Variants in SFMBT1 observed in about 807,000 individuals in gnomAD.
The protein encoded by SFMBT1 is scm-like with four MBT domains protein 1.
In SFMBT1, 32 loss-of-function variants were observed where a neutral mutation model predicts 108.7. The observed-to-expected ratio is 0.29, with a 90% CI of 0.22 to 0.40. The LOEUF (loss-of-function observed/expected upper bound fraction) is 0.40, where lower values mean the gene tolerates loss of function less well. SFMBT1 is among the 10% of genes least tolerant of loss of function. The probability of loss-of-function intolerance (pLI) is 1.00; values close to 1 mark genes in which losing one functional copy is unlikely to be tolerated. For missense variants in SFMBT1, 816 were observed against 1,059.6 expected (o/e 0.77, Z 3.19); for synonymous variants, 348 against 369.5 (o/e 0.94, Z 0.67).
intron 1 of SFMBT1, among the ~76,000 whole-genome samples, chr3:52,994,347 A>G (rs1289481543): frequency 6.7e-6 from 1 of 150,360 alleles, no homozygotes; most frequent in Non-Finnish European, 1.5e-5. Flanking sequence ...TTGACCATCA[A>G]TAACAGAGAC....
intron 1 of SFMBT1, among the ~76,000 whole-genome samples, chr3:52,979,345 T>C (rs776981341): frequency 3.6e-4 from 55 of 152,212 alleles, no homozygotes; most frequent in Non-Finnish European, 4.3e-4. Context: ...CCAACAGATA[T>C]GTATTTCCCA....
intron 2 of SFMBT1, among the ~76,000 whole-genome samples, chr3:52,966,741 A>C (rs1235425195): frequency 6.6e-6 from 1 of 151,728 alleles, no homozygotes; most frequent in Non-Finnish European, 1.5e-5. Context: ...AAGAGTAAAA[A>C]TACTGAAAAA....
At chr3:52,959,407 A>G (rs1174698275) in intron 2 of SFMBT1, among the ~76,000 whole-genome samples, 1 of 152,190 alleles carries the variant, frequency 6.6e-6, no homozygotes, top group African/African-American at 2.4e-5. Flanking sequence ...TCTGTGGGAC[A>G]CTACAAAGGC....
intron 10 of SFMBT1, among the ~76,000 whole-genome samples, chr3:52,924,346 A>C (rs1213240712): frequency 1.3e-5 from 2 of 152,144 alleles, no homozygotes; most frequent in Non-Finnish European, 2.9e-5. Context: ...TTCCATGATT[A>C]AAACTACATG....
At chr3:53,039,985 A>C (rs990959913) in intron 1 of SFMBT1, among the ~76,000 whole-genome samples, 2 of 152,242 alleles carry the variant, frequency 1.3e-5, no homozygotes, top group African/African-American at 4.8e-5. Context: ...CCACTCCAAG[A>C]GGGTTATTTT....
intron 13 of SFMBT1, among the ~76,000 whole-genome samples, chr3:52,916,690 C>T (rs1231960215): frequency 1.3e-5 from 2 of 150,562 alleles, no homozygotes; most frequent in Non-Finnish European, 3.0e-5. Context: ...ACAACAACAA[C>T]AACAACAACA....
chr3:52,969,734 C>A (rs889048141), intron 1 of SFMBT1, among the ~76,000 whole-genome samples: 1 of 152,102 alleles, frequency 6.6e-6, no homozygotes, highest in Non-Finnish European at 1.5e-5. Flanking sequence ...CCATAAATAT[C>A]AACTGTATTA....
rs956153086 is a variant in SFMBT1 at position 53,002,260 on chromosome 3, G to A, written c.-130-33002C>T. 1.2e-4 allele frequency among the ~76,000 whole-genome samples: 18 copies of A among 148,884 alleles called. 2 individuals carry two copies. The highest frequency in any genetic ancestry group is 2.4e-4 in the Non-Finnish European group (16 of 66,498). ...TAAAAATACAAAAAATTAGCCGGGC[G>A]TGGTGGCGGGCACCTGTAGTCCCAG... On this transcript the variant is annotated intron_variant, in intron 1 of 20. Coordinates refer to ENST00000394752, the MANE Select transcript of SFMBT1 (RefSeq NM_016329.4).
At chr3:52,951,215 C>T (rs1193531010) in intron 3 of SFMBT1, among the ~76,000 whole-genome samples, 9 of 135,790 alleles carry the variant, frequency 6.6e-5, no homozygotes, top group Admixed American at 2.3e-4. Flanking sequence ...CTCTAACACT[C>T]TTTTTTCCTT....
intron 4 of SFMBT1, among the ~76,000 whole-genome samples, chr3:52,941,173 C>A (rs1703168694): frequency 6.6e-6 from 1 of 152,122 alleles, no homozygotes; most frequent in Admixed American, 6.5e-5. Context: ...GGAAAACTGG[C>A]CTGTAACTTT....
intron 1 of SFMBT1, among the ~76,000 whole-genome samples, chr3:53,044,000 A>G (rs1559561685): frequency 6.6e-6 from 1 of 152,212 alleles, no homozygotes; most frequent in Non-Finnish European, 1.5e-5. Context: ...AAAATGTTCC[A>G]TATCTTGATC....
intron 2 of SFMBT1, among the ~76,000 whole-genome samples, chr3:52,958,003 A>C (rs952674339): frequency 7.2e-5 from 11 of 152,180 alleles, no homozygotes; most frequent in African/African-American, 2.4e-4. Flanking sequence ...CAAAAGAAAC[A>C]ATCACCAGAG....
Position 53,001,727 on chromosome 3 carries a change from G to C in SFMBT1, c.-130-32469C>G, listed in dbSNP as rs374372048. 9.0e-4 allele frequency among the ~76,000 whole-genome samples: 133 copies of C among 148,518 alleles called. 6 individuals are homozygous for C. In the South Asian group the frequency reaches 0.026, roughly 29 times the overall value. Reference sequence around the variant, plus strand: ...GTTTGAGACCAGCCTGGACAACATAGGGAAATGGGAGATCCTATCTCTACC... The same window carrying C: ...GTTTGAGACCAGCCTGGACAACATACGGAAATGGGAGATCCTATCTCTACC... On this transcript the variant is annotated intron_variant, in intron 1 of 20. Transcript: ENST00000394752.
chr3:53,022,601 C>T (rs1699353376), intron 1 of SFMBT1, among the ~76,000 whole-genome samples: 1 of 151,992 alleles, frequency 6.6e-6, no homozygotes, highest in Non-Finnish European at 1.5e-5. Flanking sequence ...GATTCTGACA[C>T]GTGTTACAAT....
chr3:52,954,836 C>T (rs543741117), intron 2 of SFMBT1, among the ~76,000 whole-genome samples: 1 of 137,738 alleles, frequency 7.3e-6, no homozygotes, highest in African/African-American at 2.8e-5. Context: ...GAAAGATACT[C>T]CTAGTAAATA....
intron 1 of SFMBT1, chr3:53,019,177 C>A (rs1470789659): frequency 6.6e-6 from 1 of 152,038 alleles, no homozygotes; most frequent in Non-Finnish European, 1.5e-5. Context: ...ATCTGTAGCC[C>A]CAGCTACTGG....
rs193022039 is a variant in SFMBT1, at chr3:52,941,047, A to G, written c.364+2306T>C. ...GTTCAAAAAAGAAAAACAATGGTTA[A>G]GAAAACGAGAGAGACACGACAACTA... is the stretch of plus-strand genomic sequence containing the variant. On this transcript the variant is annotated intron_variant, in intron 4 of 20. Coordinates refer to ENST00000394752, the MANE Select transcript of SFMBT1 (RefSeq NM_016329.4). Among the ~76,000 whole-genome samples, 238 of 152,348 alleles carry G rather than the reference A, an allele frequency of 1.6e-3. 1 individual carries two copies. Among genetic ancestry groups the G allele is most frequent in the African/African-American group, 5.5e-3 (227 of 41,588 alleles).
intron 17 of SFMBT1, among the ~76,000 whole-genome samples, chr3:52,908,860 C>T (rs13068194): frequency 0.098 from 14,909 of 152,180 alleles, 826 homozygotes; most frequent in Non-Finnish European, 0.13. Context: ...TGTGAGCCAC[C>T]GCACCCGGCT....
chr3:53,041,830 A>AAATCCCCAC (rs1700066736), intron 1 of SFMBT1, among the ~76,000 whole-genome samples: 2 of 151,888 alleles, frequency 1.3e-5, no homozygotes, highest in Admixed American at 1.3e-4. Context: ...CAAGTAACCA[A>AAATCCCCAC]AATCCCCACA....
Sources: gnomAD v4.1 joint callset for allele counts (sites outside exome capture counted in the v4.1 genomes callset) on GRCh38, gnomAD v4.1.1 for gene constraint, MANE v1.5 for transcripts, NCBI Gene and HGNC (gene_info 2026-07-23, HGNC 2026-07-21) for gene names.